XNDC1N: variants seen among roughly 807,000 people sequenced by gnomAD.
XNDC1N encodes XRCC1 N-terminal domain containing 1, N-terminal like, also known as protein XNDC1N.
the XNDC1N span, chr11:71,928,408 G>T: frequency 4.3e-6 from 3 of 695,246 alleles, no homozygotes; most frequent in East Asian, 8.1e-5. Flanking sequence ...CTCGGATCTC[G>T]GACCACCAAA....
At chr11:71,915,311 G>C in the XNDC1N span, among the ~76,000 whole-genome samples, 11 of 152,172 alleles carry the variant, frequency 7.2e-5, no homozygotes. Flanking sequence ...AGCCGGGCGT[G>C]GTGGCAGGCA....
chr11:71,914,374 T>C, the XNDC1N span: 2 of 456,158 alleles, frequency 4.4e-6, no homozygotes, highest in Non-Finnish European at 8.8e-6. Context: ...GGAAATTAAC[T>C]GCAGATGTGA....
the XNDC1N span, among the ~76,000 whole-genome samples, chr11:71,904,617 T>A: frequency 6.6e-6 from 1 of 152,046 alleles, no homozygotes; most frequent in Non-Finnish European, 1.5e-5. Context: ...GCAGATAACA[T>A]CACAAGGTGC....
the XNDC1N span, among the ~76,000 whole-genome samples, chr11:71,879,774 A>G: frequency 6.6e-6 from 1 of 152,102 alleles, no homozygotes; most frequent in Non-Finnish European, 1.5e-5. Flanking sequence ...CCTAGCAACC[A>G]CTGATCTAAT....
At chr11:71,907,393 C>T in the XNDC1N span, among the ~76,000 whole-genome samples, 331 of 151,658 alleles carry the variant, frequency 2.2e-3, 2 homozygotes, top group African/African-American at 7.5e-3. Context: ...CCCTCTTGCC[C>T]CCCTGGCTCT....
chr11:71,888,625 C>T, the XNDC1N span, among the ~76,000 whole-genome samples: 25 of 152,304 alleles, frequency 1.6e-4, no homozygotes, highest in Admixed American at 2.6e-4. Flanking sequence ...AACAACTAGA[C>T]GGGGTTTCTA....
the XNDC1N span, among the ~76,000 whole-genome samples, chr11:71,910,396 CG>C: frequency 6.6e-6 from 1 of 152,178 alleles, no homozygotes; most frequent in African/African-American, 2.4e-5. Context: ...TGGGAAGATC[CG>C]GAGTCAGGTG....
chr11:71,881,095 T>A, the XNDC1N span, among the ~76,000 whole-genome samples: 1 of 152,226 alleles, frequency 6.6e-6, no homozygotes, highest in East Asian at 1.9e-4. Flanking sequence ...ATCTGTTCAA[T>A]GCTGAAAGTG....
At chr11:71,887,726 T>C in the XNDC1N span, among the ~76,000 whole-genome samples, 1 of 152,324 alleles carries the variant, frequency 6.6e-6, no homozygotes, top group South Asian at 2.1e-4. Context: ...TGTTCCCAAG[T>C]CACGGACCAA....
At chr11:71,875,182 A>C in the XNDC1N span, among the ~76,000 whole-genome samples, 1 of 152,188 alleles carries the variant, frequency 6.6e-6, no homozygotes, top group African/African-American at 2.4e-5. Flanking sequence ...AGAAAGTAAA[A>C]ATTACTGTTT....
chr11:71,889,999 A>G, the XNDC1N span, among the ~76,000 whole-genome samples: 1 of 152,104 alleles, frequency 6.6e-6, no homozygotes, highest in Non-Finnish European at 1.5e-5. Flanking sequence ...GGTACAGAAG[A>G]CGGCAAAGGT....
the XNDC1N span, among the ~76,000 whole-genome samples, chr11:71,914,079 T>A: frequency 2.0e-5 from 3 of 152,226 alleles, no homozygotes; most frequent in African/African-American, 7.2e-5. Context: ...TTTTCATGCC[T>A]ACGAACGTAA....
the XNDC1N span, chr11:71,865,729 A>G: frequency 3.2e-4 from 116 of 361,426 alleles, no homozygotes; most frequent in Non-Finnish European, 5.3e-4. Context: ...AAGTAGAGCA[A>G]TGTGTCTGAT....
the XNDC1N span, among the ~76,000 whole-genome samples, chr11:71,898,938 CATA>C: frequency 3.0e-3 from 457 of 151,840 alleles, 1 homozygote; most frequent in Non-Finnish European, 4.8e-3. Flanking sequence ...TATATTTTCC[CATA>C]ATAAAAGATG....
At chr11:71,891,067 C>T in the XNDC1N span, among the ~76,000 whole-genome samples, 1 of 151,946 alleles carries the variant, frequency 6.6e-6, no homozygotes, top group African/African-American at 2.4e-5. Context: ...GTGTACATTC[C>T]CTGTGATATT....
chr11:71,919,604 G>T, the XNDC1N span, among the ~76,000 whole-genome samples: 2 of 135,258 alleles, frequency 1.5e-5, no homozygotes, highest in Non-Finnish European at 3.2e-5. Context: ...TGGCCAGGTT[G>T]GTTTTTTTTT....
chr11:71,895,498 T>G, the XNDC1N span, among the ~76,000 whole-genome samples: 4 of 96,290 alleles, frequency 4.2e-5, no homozygotes, highest in Non-Finnish European at 6.4e-5. Flanking sequence ...TTTTTTTTTT[T>G]GTATTGTTAA....
chr11:71,901,020 C>T, the XNDC1N span, among the ~76,000 whole-genome samples: 2 of 148,658 alleles, frequency 1.3e-5, no homozygotes, highest in African/African-American at 2.6e-5. Context: ...CCTTCCCTTT[C>T]GGGGTTCCTT....
At chr11:71,879,931 A>C in the XNDC1N span, among the ~76,000 whole-genome samples, 1 of 152,128 alleles carries the variant, frequency 6.6e-6, no homozygotes, top group Non-Finnish European at 1.5e-5. Context: ...TCATTCCTTC[A>C]TTCAGTGGTC....
Sources: allele counts gnomAD v4.1 joint callset (sites outside exome capture counted in the v4.1 genomes callset), GRCh38; gene constraint gnomAD v4.1.1; transcripts MANE v1.5; gene names NCBI Gene and HGNC (gene_info 2026-07-23, HGNC 2026-07-21).